Variants in GABRG1 observed in about 807,000 individuals in gnomAD.
The protein encoded by GABRG1 is gamma-aminobutyric acid type A receptor subunit gamma1.
A neutral mutation model predicts 49.8 loss-of-function variants in GABRG1; 49 were observed. That is an observed-to-expected ratio of 0.98 (90% CI 0.78 to 1.25). The LOEUF (loss-of-function observed/expected upper bound fraction) is 1.25. Among genes scored for constraint, GABRG1 ranks in the 50% most tolerant of loss-of-function variants. GABRG1 has a pLI of 0.00. For synonymous variants in GABRG1, 232 were observed against 185.1 expected, an observed-to-expected ratio of 1.25 and a Z score of -2.06; for missense variants, 552 against 552.3, an observed-to-expected ratio of 1.00 and a Z score of 0.01.
chr4:46,066,984 G>A (rs1193805348), intron 3 of GABRG1, among the ~76,000 whole-genome samples: 1 of 151,766 alleles, frequency 6.6e-6, no homozygotes, highest in Admixed American at 6.6e-5. Flanking sequence ...TATTATATAA[G>A]TTACTTCTGG....
At chr4:46,047,774 T>C (rs1378938607) in intron 8 of GABRG1, among the ~76,000 whole-genome samples, 2 of 152,064 alleles carry the variant, frequency 1.3e-5, no homozygotes, top group South Asian at 4.1e-4. Context: ...CCTCACAGAC[T>C]CCTTGTTTAA....
intron 1 of GABRG1, among the ~76,000 whole-genome samples, chr4:46,100,852 T>C (rs1199255418): frequency 6.6e-6 from 1 of 151,220 alleles, no homozygotes. Context: ...AAAAATACTA[T>C]AAAGTTATCT....
At chr4:46,111,539 A>T (rs1466113319) in intron 1 of GABRG1, among the ~76,000 whole-genome samples, 2 of 151,366 alleles carry the variant, frequency 1.3e-5, no homozygotes, top group Admixed American at 1.3e-4. Context: ...AGCCAAAGCA[A>T]CTCCAAGAAA....
chr4:46,070,525 T>C (rs1719076837), intron 3 of GABRG1, among the ~76,000 whole-genome samples: 1 of 152,010 alleles, frequency 6.6e-6, no homozygotes, highest in African/African-American at 2.4e-5. Flanking sequence ...AGTACCTGAA[T>C]TCTGGGTTTG....
rs532084453 is a variant in GABRG1, at chr4:46,076,497, A to G, written c.321+7489T>C. 2.7e-4 allele frequency among the ~76,000 whole-genome samples: 41 copies of G among 150,610 alleles called. No individual in the cohort carries two copies. In the East Asian group the frequency reaches 7.8e-3, roughly 29 times the overall value. On this transcript the variant is annotated intron_variant, in intron 3 of 8. Coordinates refer to ENST00000295452, the MANE Select transcript of GABRG1 (RefSeq NM_173536.4). ...TTCTGATAAATAAATGGGTAAATAA[A>G]GGTGTAAAAAATTAGGAATCATAAG...
chr4:46,044,290 T>C (rs1002963838), intron 8 of GABRG1, among the ~76,000 whole-genome samples: 3 of 151,932 alleles, frequency 2.0e-5, no homozygotes, highest in Non-Finnish European at 2.9e-5. Context: ...CTGGGCAACA[T>C]GGCAAAACCC....
intron 8 of GABRG1, among the ~76,000 whole-genome samples, chr4:46,049,279 C>T (rs1718123530): frequency 6.6e-6 from 1 of 151,776 alleles, no homozygotes; most frequent in African/African-American, 2.4e-5. Context: ...AACAGAGTTG[C>T]CTGTTCCTCA....
At chr4:46,114,559 A>G (rs1165303584) in intron 1 of GABRG1, among the ~76,000 whole-genome samples, 3 of 151,004 alleles carry the variant, frequency 2.0e-5, no homozygotes, top group African/African-American at 7.3e-5. Flanking sequence ...TAAATACCTT[A>G]GAGCCAAAGG....
intron 5 of GABRG1, among the ~76,000 whole-genome samples, chr4:46,061,666 A>G (rs921453027): frequency 1.3e-5 from 2 of 151,726 alleles, no homozygotes; most frequent in African/African-American, 4.9e-5. Flanking sequence ...TAAAGAATAT[A>G]CCAGGTTTTT....
At chr4:46,091,731 G>A (rs977174916) in intron 2 of GABRG1, among the ~76,000 whole-genome samples, 1 of 152,046 alleles carries the variant, frequency 6.6e-6, no homozygotes, top group South Asian at 2.1e-4. Context: ...CGCAAGTGGA[G>A]TTGCAGAGAA....
intron 1 of GABRG1, among the ~76,000 whole-genome samples, chr4:46,107,448 C>T (rs1057484411): frequency 4.0e-5 from 6 of 150,940 alleles, no homozygotes; most frequent in Non-Finnish European, 8.9e-5. Flanking sequence ...TACATGTACA[C>T]CATCCTCATT....
chr4:46,098,543 G>T (rs540843897), intron 1 of GABRG1, among the ~76,000 whole-genome samples: 2 of 151,836 alleles, frequency 1.3e-5, no homozygotes, highest in South Asian at 4.1e-4. Flanking sequence ...AGCAAATGCA[G>T]CCCCAACTCC....
chr4:46,084,250 T>C (rs1262728748), intron 2 of GABRG1, among the ~76,000 whole-genome samples, 197 bp from the exon 3 acceptor site: 1 of 151,706 alleles, frequency 6.6e-6, no homozygotes, highest in Non-Finnish European at 1.5e-5. Context: ...CAGATAATTA[T>C]ATAGAGATAA....
chr4:46,123,994 T>C lies in GABRG1; in HGVS notation c.-81A>G. On this transcript the variant is annotated 5_prime_UTR_variant, in exon 1 of 9. Coordinates refer to ENST00000295452, the MANE Select transcript of GABRG1 (RefSeq NM_173536.4). ...TCCTCCCACCTCAGCAGCAGCTGGC[T>C]GAGTACAGAAGGGAGAGTGTGGAAA... The C allele has an allele frequency of 9.6e-7, 1 of 1,042,372 alleles. No homozygotes were observed. The highest frequency in any genetic ancestry group is 1.5e-6 in the Non-Finnish European group (1 of 676,864). The allele number at this position is 1,042,372 out of a possible 1,614,324, so 64.6% of individuals were successfully genotyped here.
At chr4:46,103,092 A>G (rs1032566869) in intron 1 of GABRG1, among the ~76,000 whole-genome samples, 2 of 151,612 alleles carry the variant, frequency 1.3e-5, no homozygotes, top group African/African-American at 4.8e-5. Flanking sequence ...TTTAGTTCAT[A>G]TAAAGGTTAT....
chr4:46,060,257 ATGTG>A (rs34820575), intron 5 of GABRG1, among the ~76,000 whole-genome samples: 46 of 149,068 alleles, frequency 3.1e-4, no homozygotes, highest in African/African-American at 2.9e-4. Flanking sequence ...CGGTGGTTGT[ATGTG>A]TGTGTGTGTG....
chr4:46,058,692 A>T, intron 5 of GABRG1, 70 bp from the exon 6 acceptor site: 1 of 1,226,300 alleles, frequency 8.2e-7, no homozygotes, highest in South Asian at 1.4e-5. Context: ...CATTATCCAA[A>T]GGTAGATTCT....
chr4:46,095,380 T>C (rs983243385), intron 2 of GABRG1, among the ~76,000 whole-genome samples: 4 of 151,734 alleles, frequency 2.6e-5, no homozygotes, highest in African/African-American at 9.7e-5. Flanking sequence ...AAATGCATTT[T>C]CCCAAGGTTG....
intron 8 of GABRG1, among the ~76,000 whole-genome samples, chr4:46,050,614 A>AT (rs1267633238): frequency 6.6e-6 from 1 of 151,750 alleles, no homozygotes; most frequent in Non-Finnish European, 1.5e-5. Flanking sequence ...ATAAATGTCT[A>AT]TTTTTTTAAG....
Sources: allele counts gnomAD v4.1 joint callset (sites outside exome capture counted in the v4.1 genomes callset), GRCh38; gene constraint gnomAD v4.1.1; transcripts MANE v1.5; gene names NCBI Gene and HGNC (gene_info 2026-07-23, HGNC 2026-07-21).